GRID1: variants seen among roughly 807,000 people sequenced by gnomAD.
The protein encoded by GRID1 is glutamate receptor ionotropic, delta-1.
A neutral mutation model predicts 98.0 loss-of-function variants in GRID1; 28 were observed. The ratio of observed to expected loss-of-function variants is 0.29; its 90% CI spans 0.21 to 0.39. GRID1 has a LOEUF of 0.39. GRID1 is among the 10% of genes least tolerant of loss of function. The pLI is 1.00. For missense variants in GRID1, 1,111 were observed against 1,340.5 expected (o/e 0.83, Z 2.67); for synonymous variants, 553 against 538.5 (o/e 1.03, Z -0.37).
At chr10:86,308,631 T>C (rs1847791871) in intron 2 of GRID1, among the ~76,000 whole-genome samples, 1 of 152,174 alleles carries the variant, frequency 6.6e-6, no homozygotes, top group Non-Finnish European at 1.5e-5. Flanking sequence ...TCTTAATCCA[T>C]CTCATGTTGC....
intron 8 of GRID1, among the ~76,000 whole-genome samples, chr10:85,737,715 T>TTATATATATATATATAACATACATGTTTA (rs56397748): frequency 7.6e-6 from 1 of 131,376 alleles, no homozygotes; most frequent in African/African-American, 2.9e-5. Flanking sequence ...ACATACATGT[T>TTATATATATATATATAACATACATGTTTA]TATATATATA....
At chr10:86,319,366 A>G (rs1847938691) in intron 2 of GRID1, among the ~76,000 whole-genome samples, 1 of 152,208 alleles carries the variant, frequency 6.6e-6, no homozygotes, top group African/African-American at 2.4e-5. Context: ...CAACCTGGCC[A>G]CAACCTAGGG....
intron 13 of GRID1, among the ~76,000 whole-genome samples, chr10:85,624,245 A>G (rs1842886340): frequency 6.6e-6 from 1 of 152,202 alleles, no homozygotes; most frequent in Non-Finnish European, 1.5e-5. Flanking sequence ...AACAAAAACA[A>G]ACACTGTATT....
chr10:86,094,806 C>T (rs544280671), intron 4 of GRID1, among the ~76,000 whole-genome samples: 10 of 151,476 alleles, frequency 6.6e-5, no homozygotes, highest in Admixed American at 1.3e-4. Flanking sequence ...CATCAGAATA[C>T]CGCCATCGTT....
intron 3 of GRID1, among the ~76,000 whole-genome samples, chr10:86,149,082 G>A (rs1244947980): frequency 1.3e-5 from 2 of 152,192 alleles, no homozygotes; most frequent in East Asian, 1.9e-4. Flanking sequence ...GCTCTCAAAT[G>A]AGCAAATCAT....
intron 2 of GRID1, among the ~76,000 whole-genome samples, chr10:86,265,647 G>A (rs1408996539): frequency 6.6e-6 from 1 of 152,210 alleles, no homozygotes; most frequent in Non-Finnish European, 1.5e-5. Context: ...AGGTTGGAGG[G>A]AAGAGGGCTG....
chr10:85,937,753 G>A (rs1196549761), intron 4 of GRID1, among the ~76,000 whole-genome samples: 2 of 152,144 alleles, frequency 1.3e-5, no homozygotes, highest in East Asian at 3.9e-4. Context: ...AAAACTTGAG[G>A]TGAGGGGGTC....
chr10:85,856,938 A>G (rs1394419369), intron 6 of GRID1, among the ~76,000 whole-genome samples: 1 of 152,236 alleles, frequency 6.6e-6, no homozygotes, highest in African/African-American at 2.4e-5. Flanking sequence ...GGACTTACTA[A>G]GGAGGACTAG....
intron 3 of GRID1, among the ~76,000 whole-genome samples, chr10:86,166,142 C>T (rs1424375496): frequency 6.6e-6 from 1 of 152,018 alleles, no homozygotes; most frequent in Non-Finnish European, 1.5e-5. Context: ...ACTTTAAGTT[C>T]TAGGGTACAT....
chr10:86,321,002 A>C (rs931606998), intron 2 of GRID1, among the ~76,000 whole-genome samples: 1 of 151,624 alleles, frequency 6.6e-6, no homozygotes, highest in Non-Finnish European at 1.5e-5. Context: ...TGGGAGGCTG[A>C]GGCAGGAGAA....
At chr10:86,019,005 AG>A (rs2131885814) in intron 4 of GRID1, among the ~76,000 whole-genome samples, 1 of 152,356 alleles carries the variant, frequency 6.6e-6, no homozygotes, top group East Asian at 1.9e-4. Context: ...AGGCACAGTC[AG>A]GACACCTAAC....
chr10:86,152,570 G>A (rs1490056044), intron 3 of GRID1, among the ~76,000 whole-genome samples: 1 of 152,270 alleles, frequency 6.6e-6, no homozygotes, highest in Non-Finnish European at 1.5e-5. Flanking sequence ...TCCCCTGTGG[G>A]AGAAAGAGCC....
intron 15 of GRID1, chr10:85,605,377 C>T (rs894179443): frequency 3.9e-5 from 6 of 152,192 alleles, no homozygotes; most frequent in African/African-American, 1.2e-4. Flanking sequence ...ATAAGATAAC[C>T]TTCTCTCTTC....
At chr10:86,233,466 C>T (rs1846487732) in intron 2 of GRID1, among the ~76,000 whole-genome samples, 1 of 152,202 alleles carries the variant, frequency 6.6e-6, no homozygotes, top group Non-Finnish European at 1.5e-5. Context: ...TCCCCTCTTG[C>T]TCTAAATGTT....
intron 12 of GRID1, among the ~76,000 whole-genome samples, chr10:85,665,475 G>A (rs1258061650): frequency 6.6e-6 from 1 of 152,118 alleles, no homozygotes; most frequent in Non-Finnish European, 1.5e-5. Context: ...CAGGTTCCAG[G>A]CACTTTACCT....
intron 8 of GRID1, among the ~76,000 whole-genome samples, chr10:85,756,471 A>G (rs947743927): frequency 6.6e-6 from 1 of 152,182 alleles, no homozygotes; most frequent in Non-Finnish European, 1.5e-5. Context: ...CTTGAACACA[A>G]GCATTGAAAT....
intron 3 of GRID1, among the ~76,000 whole-genome samples, chr10:86,204,624 G>C (rs1845999629): frequency 6.6e-6 from 1 of 152,250 alleles, no homozygotes; most frequent in Non-Finnish European, 1.5e-5. Flanking sequence ...AGGAGTCACA[G>C]GAGCCCAGGC....
Position 86,138,843 on chromosome 10 carries a change from C to A in GRID1, c.702G>T (p.Gln234His). The A allele has an allele frequency of 6.2e-7, 1 of 1,614,198 alleles. No individual in the cohort carries two copies. Among genetic ancestry groups the A allele is most frequent in the Non-Finnish European group, 8.5e-7 (1 of 1,180,022 alleles). Reference protein sequence around the residue: ...LRRAILLLSPQGAHSFINEAV... With the variant: ...LRRAILLLSPHGAHSFINEAV... The stretch of plus-strand genomic sequence containing the variant: ...CCTCGTTGATGAAGGAGTGGGCTCC[C>A]TGTGGGCTGAGCAGCAGGATGGCGC... Residue 234 changes from glutamine to histidine, a missense_variant, in exon 4 of 16, where the codon CAG becomes CAT. By Grantham distance (24) the Gln-to-His change is conservative (BLOSUM62 0). Transcript: ENST00000327946.
At chr10:85,604,996 GA>G (rs1842640703) in intron 15 of GRID1, among the ~76,000 whole-genome samples, 3 of 152,206 alleles carry the variant, frequency 2.0e-5, no homozygotes, top group Non-Finnish European at 4.4e-5. Context: ...CAGTAAGACT[GA>G]AGCTGAATCC....
Sources: gnomAD v4.1 joint callset for allele counts (sites outside exome capture counted in the v4.1 genomes callset) on GRCh38, gnomAD v4.1.1 for gene constraint, MANE v1.5 for transcripts, NCBI Gene and HGNC (gene_info 2026-07-23, HGNC 2026-07-21) for gene names.